Variants in GIPC1 observed in about 807,000 individuals in gnomAD.
The protein encoded by GIPC1 is GIPC PDZ domain containing family member 1, also known as PDZ domain-containing protein GIPC1.
Under a neutral mutation model 28.5 loss-of-function variants are expected in GIPC1, and 15 were observed. The ratio of observed to expected loss-of-function variants is 0.53; its 90% confidence interval spans 0.35 to 0.81. The LOEUF is 0.81. GIPC1 is among the 30% of genes least tolerant of loss of function. The probability of loss-of-function intolerance (pLI) is 0.01; values close to 1 mark genes in which losing one functional copy is unlikely to be tolerated. For synonymous variants in GIPC1, 224 were observed against 206.1 expected (o/e 1.09, Z -0.74); for missense variants, 439 against 481.9 (o/e 0.91, Z 0.83).
At position 14,480,303 on chromosome 19, in the gene GIPC1, AC is replaced by A; in HGVS notation, c.655+1del. ...GGGGAGGTCCAGGGGGCGGCTCCTC[AC>A]CGAAGGCCTTGCGAGGCTCCGTGAG... On this transcript the variant is annotated splice_donor_variant, in intron 6 of 8. Transcript: ENST00000393033. LOFTEE classifies it high-confidence loss of function. The A allele has an allele frequency of 1.2e-6, 2 of 1,609,784 alleles. No individual in the cohort carries two copies. The highest frequency in any genetic ancestry group is 1.7e-6 in the Non-Finnish European group (2 of 1,179,180).
chr19:14,485,694 TATATATATAGAGAGAGAGAG>T (rs1430795016), intron 3 of GIPC1, among the ~76,000 whole-genome samples: 16 of 77,350 alleles, frequency 2.1e-4, no homozygotes, highest in African/African-American at 3.7e-4. Context: ...AATATATATA[TATATATATAGAGAGAGAGAG>T]AGAGAGAGAG....
At chr19:14,494,588 T>C (rs1188695762) in intron 1 of GIPC1, among the ~76,000 whole-genome samples, 1 of 152,232 alleles carries the variant, frequency 6.6e-6, no homozygotes, top group Non-Finnish European at 1.5e-5. Context: ...TTTTGTTCAC[T>C]GTTGCATTTT....
rs35491814 is a variant in GIPC1, at chr19:14,486,712, C to CTTTTT, written c.-30-3711_-30-3707dup. ...TGTTTCTTTCTTGCTTTCTTTCTTT[C>CTTTTT]TTTTTTTTTTTTTTTTTGAGACAGA... On this transcript the variant is annotated intron_variant, in intron 3 of 8. Coordinates refer to ENST00000393033, the MANE Select transcript of GIPC1 (RefSeq NM_005716.4). Among the ~76,000 whole-genome samples, 112 of 124,724 alleles carry CTTTTT rather than the reference C, an allele frequency of 9.0e-4. 1 individual carries two copies. Among genetic ancestry groups the CTTTTT allele is most frequent in the Non-Finnish European group, 1.4e-3 (83 of 61,044 alleles). 81.8% of individuals were successfully genotyped at this position (124,724 alleles called of 152,430 possible).
chr19:14,485,164 A>T, intron 3 of GIPC1, among the ~76,000 whole-genome samples: 1 of 151,762 alleles, frequency 6.6e-6, no homozygotes, highest in East Asian at 1.9e-4. Flanking sequence ...AGTCTCAAAA[A>T]AAAATAATAA....
At chr19:14,490,141 G>A (rs1239545752) in intron 3 of GIPC1, among the ~76,000 whole-genome samples, 2 of 152,074 alleles carry the variant, frequency 1.3e-5, no homozygotes, top group African/African-American at 2.4e-5. Context: ...CGAGGCGGGC[G>A]GATCACGAGG....
rs754073268 is a variant in GIPC1, at chr19:14,479,536, A to G, written c.656-12T>C. ...CTGGCTGATCATGTCTGTGGGAGGC[A>G]GGAGAGGAGTGAGTGTGGGGGAAGC... On this transcript the variant is annotated splice_polypyrimidine_tract_variant and intron_variant, in intron 6 of 8. Transcript: ENST00000393033. The G allele has an allele frequency of 2.2e-5, 31 of 1,380,682 alleles. No individual in the cohort carries two copies. The South Asian group carries it at 2.9e-4, about 13-fold the overall frequency. 85.5% of individuals were successfully genotyped at this position (1,380,682 alleles called of 1,614,324 possible).
chr19:14,487,685 C>CTTTTTT lies in GIPC1; in HGVS notation c.-31+3965_-31+3970dup, dbSNP rs34048955. Among the ~76,000 whole-genome samples the CTTTTTT allele has an allele frequency of 1.8e-4, 24 of 130,502 alleles. 1 individual carries two copies. In the South Asian group the frequency reaches 2.2e-3, roughly 12 times the overall value. 85.6% of individuals were successfully genotyped at this position (130,502 alleles called of 152,430 possible). On this transcript the variant is annotated intron_variant, in intron 3 of 8. Transcript: ENST00000393033. The stretch of plus-strand genomic sequence containing the variant: ...AATATAAATTTTTTCCTTTATTTTC[C>CTTTTTT]TTTTTTTTTTTGACAGAGTCTTGCT...
chr19:14,484,670 C>G (rs2071798662), intron 3 of GIPC1, among the ~76,000 whole-genome samples: 1 of 152,060 alleles, frequency 6.6e-6, no homozygotes, highest in African/African-American at 2.4e-5. Flanking sequence ...TGCCTGAAAC[C>G]TGGGAGGCGG....
intron 3 of GIPC1, 83 bp downstream of exon 3, chr19:14,491,573 T>G (rs117880829): frequency 0.026 from 3,910 of 152,358 alleles, 53 homozygotes; most frequent in East Asian, 0.076. Flanking sequence ...CCTAGTCTCA[T>G]GTATCCATTT....
intron 3 of GIPC1, among the ~76,000 whole-genome samples, chr19:14,486,914 G>A (rs1254380316): frequency 6.6e-6 from 1 of 151,724 alleles, no homozygotes; most frequent in Non-Finnish European, 1.5e-5. Flanking sequence ...GGGATTACAG[G>A]CATGAGCCAC....
Position 14,480,352 on chromosome 19 carries a change from C to G in GIPC1, c.608G>C (p.Arg203Pro). The G allele has an allele frequency of 6.2e-7, 1 of 1,612,064 alleles. No homozygotes were observed. ...EVARLLKELP[R>P]GRTFTLKLTE... ...GAGCTTCAGCGTGAAGGTACGGCCT[C>G]GGGGCAGCTCCTTGAGCAGCCGGGC... is the stretch of plus-strand genomic sequence containing the variant. Residue 203 changes from arginine to proline, a missense_variant, in exon 6 of 9, where the codon CGA (arginine) becomes CCA (proline). Transcript: ENST00000393033.
intron 3 of GIPC1, chr19:14,489,364 C>T (rs1397837084): frequency 1.3e-6 from 1 of 782,976 alleles, no homozygotes; most frequent in Non-Finnish European, 2.4e-6. Context: ...TCCAAGGCAT[C>T]TGTGAGCCCA....
In GIPC1 at chr19:14,496,039, G is replaced by GCTCCGCCTCCGCCGC. The variant is rs1555723634; in HGVS notation, c.-178_-177insGCGGCGGAGGCGGAG. 3 of 193,440 alleles carry GCTCCGCCTCCGCCGC rather than the reference G, an allele frequency of 1.6e-5. No individual in the cohort carries two copies. The highest frequency in any genetic ancestry group is 9.2e-6 in the Non-Finnish European group (1 of 108,528). The allele number at this position is 193,440 out of a possible 1,614,324, so 12.0% of individuals were successfully genotyped here. A position where few individuals can be genotyped will look rare whatever the true frequency, so the allele number is the denominator to read the frequency against. On this transcript the variant is annotated 5_prime_UTR_variant, in exon 1 of 9. Transcript: ENST00000393033. ...TCCTTCTCGCAGAGGCCACTCACCT[G>GCTCCGCCTCCGCCGC]CTCCGCCGCCGCCGCCGCCGCCGCC...
rs2071699921 is a variant in GIPC1, at chr19:14,480,384, G to A, written c.576C>T (p.Tyr192=). 3 of 1,613,012 alleles carry A rather than the reference G, an allele frequency of 1.9e-6. No homozygotes were observed. The highest frequency in any genetic ancestry group is 1.8e-4 in the Middle Eastern group (1 of 5,504). The change falls in exon 6 of 9, where the codon TAC becomes TAT. Residue 192 remains tyrosine (Y), a synonymous_variant. Transcript: ENST00000393033. ...NGQSLLGCRH[Y]EVARLLKELP... ...GCTCCTTGAGCAGCCGGGCCACCTC[G>A]TAGTGCCGGCAGCCCAGCAGGCTCT...
rs1035759839 is a variant in GIPC1, at chr19:14,478,136, G to A, written c.*280C>T. On this transcript the variant is annotated 3_prime_UTR_variant, in exon 9 of 9. Coordinates refer to ENST00000393033, the MANE Select transcript of GIPC1 (RefSeq NM_005716.4). This position sits in a 1 kb window ranked among gnomAD's most constrained non-coding sequence, Gnocchi z 5.2. ...GAAAGTGGTGGAGGCGGGGGTGGCC[G>A]CCCAATTTGGCTGATCCCTCCCCTC... 3.2e-5 allele frequency: 13 copies of A among 401,526 alleles called. No individual in the cohort carries two copies. The East Asian group carries it at 3.8e-4, about 12-fold the overall frequency. The allele number at this position is 401,526 out of a possible 1,614,324, so 24.9% of individuals were successfully genotyped here. A position where few individuals can be genotyped will look rare whatever the true frequency, so the allele number is the denominator to read the frequency against.
At chr19:14,487,643 GAA>G (rs1249044171) in intron 3 of GIPC1, among the ~76,000 whole-genome samples, 3 of 151,052 alleles carry the variant, frequency 2.0e-5, no homozygotes, top group Non-Finnish European at 4.4e-5. Context: ...AGGGAGCAGG[GAA>G]ATGTGTAAAT....
At chr19:14,490,907 G>A (rs1331123304) in intron 3 of GIPC1, among the ~76,000 whole-genome samples, 78 of 150,756 alleles carry the variant, frequency 5.2e-4, no homozygotes, top group Non-Finnish European at 8.7e-4. Flanking sequence ...CTCGGGAGGC[G>A]GAGCTTGCAG....
chr19:14,487,705 C>A lies in GIPC1; in HGVS notation c.-31+3951G>T, dbSNP rs61622076. Reference sequence around the variant, plus strand: ...TTTTCCTTTTTTTTTTTGACAGAGTCTTGCTGTGTTGCCAAGGCTGAGGTG... The same window carrying A: ...TTTTCCTTTTTTTTTTTGACAGAGTATTGCTGTGTTGCCAAGGCTGAGGTG... On this transcript the variant is annotated intron_variant, in intron 3 of 8. Transcript: ENST00000393033. Among the ~76,000 whole-genome samples the A allele has an allele frequency of 2.6e-3, 194 of 75,380 alleles. 3 individuals are homozygous for A. The highest frequency in any genetic ancestry group is 0.014 in the African/African-American group (184 of 13,420). The allele number at this position is 75,380 out of a possible 152,430, so 49.5% of individuals were successfully genotyped here.
chr19:14,478,625 G>C lies in GIPC1; in HGVS notation c.851-58C>G. The C allele has an allele frequency of 1.2e-6, 2 of 1,611,520 alleles. No homozygotes were observed. Among genetic ancestry groups the C allele is most frequent in the Admixed American group, 3.3e-5 (2 of 60,008 alleles). On this transcript the variant is annotated intron_variant, in intron 8 of 8. Transcript: ENST00000393033. This position sits in a 1 kb window ranked among gnomAD's most constrained non-coding sequence, Gnocchi z 5.2. ...ATGACACCAGGGACCAAGGGGCTCA[G>C]GGTGGATTCGGCCCCCAGCAGACCT...
Sources: allele counts gnomAD v4.1 joint callset (sites outside exome capture counted in the v4.1 genomes callset), GRCh38; gene constraint gnomAD v4.1.1; non-coding constraint Gnocchi (gnomAD v3.1); transcripts MANE v1.5; gene names NCBI Gene and HGNC (gene_info 2026-07-23, HGNC 2026-07-21).